Variants in NDUFAF6 observed in about 807,000 individuals in gnomAD.
The protein encoded by NDUFAF6 is NADH dehydrogenase (ubiquinone) complex I, assembly factor 6.
NDUFAF6 carries 45 observed loss-of-function variants against 40.8 expected under a neutral mutation model. That is an observed-to-expected ratio of 1.10 (90% CI 0.87 to 1.42). NDUFAF6 has a LOEUF of 1.42. Among genes scored for constraint, NDUFAF6 ranks in the 40% most tolerant of loss-of-function variants. The pLI, the probability that NDUFAF6 is intolerant of heterozygous loss-of-function variation, is 0.00. For synonymous variants in NDUFAF6, 185 were observed against 155.9 expected, an observed-to-expected ratio of 1.19 and a Z score of -1.39; for missense variants, 435 against 418.5, an observed-to-expected ratio of 1.04 and a Z score of -0.34.
intron 1 of NDUFAF6, among the ~76,000 whole-genome samples, chr8:94,907,179 C>T (rs1818448276): frequency 6.6e-6 from 1 of 152,212 alleles, no homozygotes; most frequent in South Asian, 2.1e-4. Context: ...TGATGTCTTT[C>T]TCCTTGTAGC....
chr8:95,112,279 G>T (rs79366827), intron 4 of NDUFAF6, among the ~76,000 whole-genome samples: 3 of 152,118 alleles, frequency 2.0e-5, no homozygotes, highest in Non-Finnish European at 4.4e-5. Flanking sequence ...TTAAAAAACC[G>T]TTCTTTGCAG....
chr8:95,032,941 TC>T (rs940892033), intron 2 of NDUFAF6, among the ~76,000 whole-genome samples: 1 of 152,238 alleles, frequency 6.6e-6, no homozygotes, highest in African/African-American at 2.4e-5. Context: ...TTTCACCTCA[TC>T]CTTTTTCAAG....
At chr8:94,901,210 C>T (rs1048608096) in intron 1 of NDUFAF6, among the ~76,000 whole-genome samples, 7 of 152,138 alleles carry the variant, frequency 4.6e-5, no homozygotes, top group Non-Finnish European at 1.0e-4. Flanking sequence ...ATGGCTGGAA[C>T]GTAGTGAGCA....
chr8:94,945,395 C>T (rs1474074990), intron 1 of NDUFAF6: 1 of 152,110 alleles, frequency 6.6e-6, no homozygotes, highest in Non-Finnish European at 1.5e-5. Context: ...ATAAAATTAA[C>T]TTCACCAGTT....
At chr8:95,104,720 T>C (rs1017088641), downstream of NDUFAF6, among the ~76,000 whole-genome samples, 9 of 152,160 alleles carry the variant, frequency 5.9e-5, no homozygotes, top group Admixed American at 5.2e-4. Flanking sequence ...GCCATTGGGC[T>C]CTCTTCACCC....
At chr8:95,004,906 A>T (rs1189296412) in intron 2 of NDUFAF6, among the ~76,000 whole-genome samples, 2 of 152,204 alleles carry the variant, frequency 1.3e-5, no homozygotes, top group East Asian at 3.9e-4. Context: ...GGTACTCAAT[A>T]AATATTGGTG....
intron 2 of NDUFAF6, among the ~76,000 whole-genome samples, chr8:95,085,936 T>C (rs916847764): frequency 6.6e-6 from 1 of 152,210 alleles, no homozygotes; most frequent in Non-Finnish European, 1.5e-5. Flanking sequence ...TGATCTATTC[T>C]CCTAGTATTT....
chr8:95,011,535 G>C (rs1481032379), intron 2 of NDUFAF6, among the ~76,000 whole-genome samples: 1 of 152,126 alleles, frequency 6.6e-6, no homozygotes, highest in African/African-American at 2.4e-5. Flanking sequence ...AGTGACATTT[G>C]GGAGCTGAAT....
chr8:95,085,007 C>T (rs2132056265), intron 2 of NDUFAF6, among the ~76,000 whole-genome samples: 1 of 152,300 alleles, frequency 6.6e-6, no homozygotes, highest in South Asian at 2.1e-4. Context: ...TCAATAGAGG[C>T]ATAAGGCATT....
At chr8:95,000,559 T>C (rs1000991573) in intron 2 of NDUFAF6, among the ~76,000 whole-genome samples, 4 of 151,048 alleles carry the variant, frequency 2.6e-5, no homozygotes, top group African/African-American at 4.9e-5. Flanking sequence ...CAAAAATGCA[T>C]ATTTTAATCT....
intron 2 of NDUFAF6, among the ~76,000 whole-genome samples, chr8:94,983,522 T>C (rs1825615596): frequency 6.6e-6 from 1 of 152,088 alleles, no homozygotes; most frequent in African/African-American, 2.4e-5. Context: ...CGCCTCGGCC[T>C]CCCAAAGTGC....
chr8:94,974,234 T>C (rs1824733592), intron 1 of NDUFAF6, among the ~76,000 whole-genome samples: 1 of 150,316 alleles, frequency 6.7e-6, no homozygotes, highest in South Asian at 2.1e-4. Context: ...TTTTTTTAAA[T>C]TATCTTTATT....
At chr8:95,092,267 C>T (rs933607055) in intron 2 of NDUFAF6, among the ~76,000 whole-genome samples, 4 of 151,070 alleles carry the variant, frequency 2.6e-5, no homozygotes, top group South Asian at 2.1e-4. Flanking sequence ...CTGCAATCTC[C>T]GCATCCCAGG....
At chr8:95,027,898 T>TCTCC in intron 1 of NDUFAF6, among the ~76,000 whole-genome samples, 1 of 152,182 alleles carries the variant, frequency 6.6e-6, no homozygotes. Flanking sequence ...CATCCTCGGC[T>TCTCC]CTCCTAGCAA....
At chr8:94,906,142 G>T (rs1304593195) in intron 1 of NDUFAF6, among the ~76,000 whole-genome samples, 5 of 152,156 alleles carry the variant, frequency 3.3e-5, no homozygotes, top group Non-Finnish European at 5.9e-5. Context: ...TCTGAGCAAA[G>T]CTGTCACCGT....
intron 1 of NDUFAF6, chr8:94,940,892 G>A: frequency 3.1e-6 from 5 of 1,613,770 alleles, no homozygotes; most frequent in African/African-American, 1.3e-5. Flanking sequence ...TTCTTGGTTG[G>A]AGGAAGAACT....
downstream of NDUFAF6, chr8:95,058,763 G>A (rs1404802475): frequency 8.1e-6 from 8 of 987,920 alleles, no homozygotes; most frequent in Non-Finnish European, 9.6e-6. Context: ...GCACTGTGCT[G>A]TATACTTGCA....
In NDUFAF6 at chr8:95,048,501, A is replaced by G; in HGVS notation, c.759A>G (p.Lys253=). Residue 253 remains lysine, a synonymous_variant, in exon 7 of 9, where the codon AAA becomes AAG. Transcript: ENST00000396124. ...ACTTTCTACGGAGGAACCAAGATAA[A>G]AATGTGAGAGATGTAATATATGACA... ...QEDFLRRNQD[K]NVRDVIYDIA... 6.2e-7 allele frequency: 1 copy of G among 1,614,154 alleles called. No homozygotes were observed.
intron 2 of NDUFAF6, among the ~76,000 whole-genome samples, chr8:95,091,980 T>C (rs924485917): frequency 1.3e-5 from 2 of 151,572 alleles, no homozygotes; most frequent in East Asian, 3.9e-4. Flanking sequence ...TGCTCTTGGA[T>C]AAACTGCCTA....
Sources: allele counts gnomAD v4.1 joint callset (sites outside exome capture counted in the v4.1 genomes callset), GRCh38; gene constraint gnomAD v4.1.1; transcripts MANE v1.5; gene names NCBI Gene and HGNC (gene_info 2026-07-23, HGNC 2026-07-21).